Variants in SNX29 observed in about 807,000 individuals in gnomAD.
The protein encoded by SNX29 is sorting nexin 29.
In SNX29, 78 loss-of-function variants were observed where a neutral mutation model predicts 102.1. That is an observed-to-expected ratio of 0.76 (90% confidence interval 0.64 to 0.92). The LOEUF is 0.92. SNX29 is among the 40% of genes least tolerant of loss of function. The pLI, the probability that SNX29 is intolerant of heterozygous loss-of-function variation, is 0.00. For synonymous variants in SNX29, 580 were observed against 414.5 expected (o/e 1.40, Z -4.85); for missense variants, 1,280 against 1,061.7 (o/e 1.21, Z -2.86).
At chr16:12,555,120 C>G (rs940338010) in intron 20 of SNX29, among the ~76,000 whole-genome samples, 2 of 117,948 alleles carry the variant, frequency 1.7e-5, no homozygotes, top group African/African-American at 5.0e-5. Context: ...CTCAGAGTAT[C>G]AAAAGGCTTA....
intron 16 of SNX29, among the ~76,000 whole-genome samples, 155 bp downstream of exon 16, chr16:12,356,434 G>T (rs1166532959): frequency 6.6e-6 from 1 of 152,194 alleles, no homozygotes; most frequent in Non-Finnish European, 1.5e-5. Context: ...TTTTTATGGG[G>T]AGGGGGTAGA....
intron 14 of SNX29, among the ~76,000 whole-genome samples, chr16:12,214,207 GTTGTTCATTTCATTTTTA>G (rs890176437): frequency 4.6e-5 from 7 of 152,196 alleles, no homozygotes; most frequent in African/African-American, 1.7e-4. Context: ...ATTCACGATT[GTTGTTCATTTCATTTTTA>G]TTGTTTGGTA....
chr16:12,086,316 A>G (rs2052187964), intron 11 of SNX29, among the ~76,000 whole-genome samples: 1 of 152,080 alleles, frequency 6.6e-6, no homozygotes, highest in African/African-American at 2.4e-5. Flanking sequence ...GCTCTTGCCA[A>G]TTCTACATTA....
chr16:12,259,869 T>C (rs895148134), intron 14 of SNX29, among the ~76,000 whole-genome samples: 10 of 151,222 alleles, frequency 6.6e-5, no homozygotes, highest in South Asian at 4.3e-4. Flanking sequence ...CCTGCTGATA[T>C]AATGGACCTC....
At chr16:12,270,831 C>T (rs189997126) in intron 14 of SNX29, among the ~76,000 whole-genome samples, 1 of 151,970 alleles carries the variant, frequency 6.6e-6, no homozygotes, top group Non-Finnish European at 1.5e-5. Flanking sequence ...CGCCTGCGGT[C>T]AGGCATTCGA....
At chr16:12,093,161 A>C (rs1487447819) in intron 11 of SNX29, among the ~76,000 whole-genome samples, 1 of 152,236 alleles carries the variant, frequency 6.6e-6, no homozygotes, top group African/African-American at 2.4e-5. Context: ...ACTGTATATC[A>C]TCAGAGCCAC....
intron 14 of SNX29, among the ~76,000 whole-genome samples, chr16:12,219,245 T>C (rs912258302): frequency 3.3e-5 from 5 of 151,802 alleles, no homozygotes; most frequent in African/African-American, 1.2e-4. Context: ...TTGTCATCTT[T>C]GATCTACATC....
Position 12,048,560 on chromosome 16 carries a change from C to G in SNX29, c.688C>G (p.Leu230Val), listed in dbSNP as rs267604410. ...EITASSAVSI[L>V]IKPEQETDPL... is the part of the protein sequence containing the mutation. ...CACAGCCTCCTCTGCCGTCTCCATC[C>G]TCATCAAACCTGAACAGGAGACCGA... Residue 230 changes from leucine (L) to valine (V), a missense_variant, in exon 7 of 21, where the codon CTC becomes GTC. By Grantham distance (32) the Leu-to-Val change is conservative. Transcript: ENST00000566228. The G allele has an allele frequency of 6.2e-7, 1 of 1,613,848 alleles. No homozygotes were observed. The highest frequency in any genetic ancestry group is 1.3e-5 in the African/African-American group (1 of 74,900).
chr16:12,364,244 T>C (rs1478921652), intron 16 of SNX29, among the ~76,000 whole-genome samples: 1 of 148,708 alleles, frequency 6.7e-6, no homozygotes, highest in Admixed American at 6.9e-5. Context: ...TCTCACTATA[T>C]TGCCCAGACT....
intron 6 of SNX29, among the ~76,000 whole-genome samples, chr16:12,047,925 G>A (rs1567562296): frequency 6.6e-6 from 1 of 152,032 alleles, no homozygotes; most frequent in Non-Finnish European, 1.5e-5. Flanking sequence ...CCAAAGTGCC[G>A]GGATTACAGG....
chr16:12,261,046 C>G (rs2078735247), intron 14 of SNX29, among the ~76,000 whole-genome samples: 1 of 141,954 alleles, frequency 7.0e-6, no homozygotes, highest in Non-Finnish European at 1.5e-5. Context: ...TGAGTGTGTG[C>G]TGAGCTGGGG....
chr16:12,333,132 G>C (rs577804832), intron 15 of SNX29, among the ~76,000 whole-genome samples: 1 of 132,762 alleles, frequency 7.5e-6, no homozygotes, highest in Admixed American at 8.2e-5. Flanking sequence ...TTGAGGCAGA[G>C]TCTTGTTCTG....
intron 20 of SNX29, among the ~76,000 whole-genome samples, chr16:12,539,794 C>CATATTTTCATGTGG (rs2077242750): frequency 6.6e-6 from 1 of 152,166 alleles, no homozygotes; most frequent in South Asian, 2.1e-4. Context: ...TGATGTTGAG[C>CATATTTTCATGTGG]ATATTTTCAT....
intron 16 of SNX29, among the ~76,000 whole-genome samples, chr16:12,388,681 A>G (rs1185123912): frequency 6.6e-6 from 1 of 152,150 alleles, no homozygotes; most frequent in African/African-American, 2.4e-5. Flanking sequence ...GTTCCCATAA[A>G]ACTTCGTTTA....
intron 11 of SNX29, chr16:12,089,980 G>A (rs752395539): frequency 5.9e-5 from 12 of 204,506 alleles, no homozygotes; most frequent in Non-Finnish European, 1.1e-4. Context: ...CCTAAGCACG[G>A]TGCCCTAACA....
rs116114694 is a variant in SNX29 at position 12,391,631 on chromosome 16, A to C, written c.1900-6815A>C. On this transcript the variant is annotated intron_variant, in intron 16 of 20. Transcript: ENST00000566228. ...CATCCATCTATGCGTGCATCCATCC[A>C]TCCATTCATTCATTCATCTGTCCAT... Among the ~76,000 whole-genome samples, 897 of 152,256 alleles carry C rather than the reference A, an allele frequency of 5.9e-3. 8 individuals are homozygous for C. The highest frequency in any genetic ancestry group is 0.018 in the African/African-American group (747 of 41,542).
intron 20 of SNX29, among the ~76,000 whole-genome samples, chr16:12,543,855 T>G (rs1376195977): frequency 6.6e-6 from 1 of 152,186 alleles, no homozygotes; most frequent in Non-Finnish European, 1.5e-5. Context: ...AAGCCAGTGG[T>G]GGAACATCCT....
chr16:12,129,688 G>T lies in SNX29; in HGVS notation c.1525G>T (p.Val509Leu), dbSNP rs1215994136. ...MEHSAALRQE[V>L]DTLKRKVAEQ... is the part of the protein sequence containing the mutation. ...GCACTCAGCCGCGCTCCGGCAAGAG[G>T]TGGACACCTTGAAAAGGAAGGTGGC... The change falls in exon 13 of 21, where the codon GTG becomes TTG. Residue 509 changes from valine to leucine, a missense_variant. By Grantham distance (32) the Val-to-Leu change is conservative. Coordinates refer to ENST00000566228, the MANE Select transcript of SNX29 (RefSeq NM_032167.5). 2.5e-6 allele frequency: 4 copies of T among 1,611,360 alleles called. No homozygotes were observed. Among genetic ancestry groups the T allele is most frequent in the Admixed American group, 3.3e-5 (2 of 59,930 alleles).
At chr16:12,113,641 A>G (rs1443379394) in intron 11 of SNX29, among the ~76,000 whole-genome samples, 1 of 152,216 alleles carries the variant, frequency 6.6e-6, no homozygotes, top group Non-Finnish European at 1.5e-5. Flanking sequence ...TTCGCATGCA[A>G]TTAATCTTCC....
Sources: allele counts gnomAD v4.1 joint callset (sites outside exome capture counted in the v4.1 genomes callset), GRCh38; gene constraint gnomAD v4.1.1; transcripts MANE v1.5; gene names NCBI Gene and HGNC (gene_info 2026-07-23, HGNC 2026-07-21).